Variants in NYAP2 observed in about 807,000 individuals in gnomAD.
The protein encoded by NYAP2 is neuronal tyrosine-phosphorylated phosphoinositide-3-kinase adaptor 2.
NYAP2 carries 23 observed loss-of-function variants against 50.4 expected under a neutral mutation model. The ratio of observed to expected loss-of-function variants is 0.46; its 90% CI spans 0.33 to 0.65. The LOEUF is 0.65. Among genes scored for constraint, NYAP2 ranks in the 30% least tolerant of loss-of-function variants. The pLI, the probability that NYAP2 is intolerant of heterozygous loss-of-function variation, is 0.02. For synonymous variants in NYAP2, 394 were observed against 365.2 expected, an observed-to-expected ratio of 1.08 and a Z score of -0.90; for missense variants, 885 against 861.0, an observed-to-expected ratio of 1.03 and a Z score of -0.35.
chr2:225,627,054 A>C (rs3748993), exon 6 of NYAP2: 1,506,058 of 1,597,046 alleles, frequency 0.94, 710,997 homozygotes, highest in African/African-American at 0.99. Context: ...AACACCAGGG[A>C]CACCTGTGGT....
At chr2:225,453,841 T>TG (rs1689691907) in intron 3 of NYAP2, among the ~76,000 whole-genome samples, 2 of 150,334 alleles carry the variant, frequency 1.3e-5, no homozygotes, top group South Asian at 4.2e-4. Flanking sequence ...CTAATTTTTT[T>TG]TTTTTTTTTT....
At chr2:225,519,527 T>C (rs1691009090) in intron 4 of NYAP2, among the ~76,000 whole-genome samples, 1 of 150,602 alleles carries the variant, frequency 6.6e-6, no homozygotes, top group Admixed American at 6.7e-5. Flanking sequence ...CAGTGTTTGG[T>C]TTTTTGTTCT....
chr2:225,669,273 A>G, the NYAP2 span, among the ~76,000 whole-genome samples: 1 of 152,246 alleles, frequency 6.6e-6, no homozygotes, highest in South Asian at 2.1e-4. Flanking sequence ...AAAAGTCATT[A>G]TGGCACGTGA....
intron 3 of NYAP2, among the ~76,000 whole-genome samples, chr2:225,473,868 A>T (rs1328951797): frequency 6.6e-6 from 1 of 151,960 alleles, no homozygotes; most frequent in Non-Finnish European, 1.5e-5. Flanking sequence ...GGTGCTTTAG[A>T]CATGAAGTCC....
intron 3 of NYAP2, among the ~76,000 whole-genome samples, chr2:225,456,642 G>A (rs977505553): frequency 4.6e-5 from 7 of 152,146 alleles, no homozygotes; most frequent in East Asian, 1.9e-4. Context: ...TTACAACCAC[G>A]TGTGCTGTCT....
intron 4 of NYAP2, among the ~76,000 whole-genome samples, chr2:225,551,177 A>G (rs1194573049): frequency 6.6e-6 from 1 of 152,210 alleles, no homozygotes; most frequent in Non-Finnish European, 1.5e-5. Context: ...AGTGACCCCT[A>G]GTGAATTTCA....
intron 4 of NYAP2, among the ~76,000 whole-genome samples, chr2:225,560,201 T>C (rs977320989): frequency 6.6e-6 from 1 of 152,118 alleles, no homozygotes; most frequent in Non-Finnish European, 1.5e-5. Flanking sequence ...AAAAATATAA[T>C]TTTGTAAATG....
At chr2:225,469,307 C>A (rs1036438589) in intron 3 of NYAP2, among the ~76,000 whole-genome samples, 5 of 152,190 alleles carry the variant, frequency 3.3e-5, no homozygotes, top group Non-Finnish European at 1.5e-5. Context: ...ATCAAAACCA[C>A]AATGAGATAC....
chr2:225,675,816 G>A, the NYAP2 span, among the ~76,000 whole-genome samples: 1 of 152,000 alleles, frequency 6.6e-6, no homozygotes, highest in Non-Finnish European at 1.5e-5. Flanking sequence ...GTAGTTTTGT[G>A]ATTTTTTAAT....
At chr2:225,547,475 G>A (rs1691604849) in intron 4 of NYAP2, among the ~76,000 whole-genome samples, 1 of 152,230 alleles carries the variant, frequency 6.6e-6, no homozygotes, top group African/African-American at 2.4e-5. Context: ...GGTGAGGCTT[G>A]TGGGATCTCA....
chr2:225,606,130 A>G (rs1692781948), intron 5 of NYAP2, among the ~76,000 whole-genome samples: 1 of 152,108 alleles, frequency 6.6e-6, no homozygotes, highest in Non-Finnish European at 1.5e-5. Context: ...TTTACAGTTA[A>G]GCAAATAGAG....
the NYAP2 span, among the ~76,000 whole-genome samples, chr2:225,698,010 C>CA: frequency 1.3e-5 from 2 of 151,520 alleles, no homozygotes; most frequent in Non-Finnish European, 2.9e-5. Context: ...TCATCTCTAC[C>CA]AAAATTTTTT....
At chr2:225,594,877 A>G (rs1182028063) in intron 5 of NYAP2, among the ~76,000 whole-genome samples, 1 of 152,182 alleles carries the variant, frequency 6.6e-6, no homozygotes, top group Non-Finnish European at 1.5e-5. Flanking sequence ...CAACTGAAAA[A>G]TCTGGGCTAT....
At chr2:225,543,207 CT>C (rs2106205096) in intron 4 of NYAP2, among the ~76,000 whole-genome samples, 1 of 151,892 alleles carries the variant, frequency 6.6e-6, no homozygotes, top group South Asian at 2.1e-4. Flanking sequence ...AAAAAACCAA[CT>C]TTCTGTTTCA....
At chr2:225,648,350 C>T (rs1435597068) in intron 6 of NYAP2, among the ~76,000 whole-genome samples, 1 of 151,778 alleles carries the variant, frequency 6.6e-6, no homozygotes, top group Non-Finnish European at 1.5e-5. Context: ...TAGAGTGGAT[C>T]CGATCAGATG....
At position 225,582,611 on chromosome 2, in the gene NYAP2, C is replaced by CGCG. The variant is rs1559221381; in HGVS notation, c.1197_1199dup (p.Ala400dup). On this transcript the variant is annotated inframe_insertion, in exon 5 of 7. Transcript: ENST00000636099. This position sits in a 1 kb window ranked among gnomAD's most constrained non-coding sequence, Gnocchi z 7.0. The stretch of plus-strand genomic sequence containing the variant: ...ATGCGAAACTGGAGAAAGAGCAGGC[C>CGCG]GCGGCCCTGGGACCTGCCTCTGCCA... The CGCG allele has an allele frequency of 3.8e-6, 6 of 1,593,592 alleles. No homozygotes were observed. Among genetic ancestry groups the CGCG allele is most frequent in the Non-Finnish European group, 5.1e-6 (6 of 1,170,938 alleles).
chr2:225,638,941 A>G (rs1693476406), intron 6 of NYAP2, among the ~76,000 whole-genome samples: 1 of 152,190 alleles, frequency 6.6e-6, no homozygotes, highest in Admixed American at 6.5e-5. Context: ...GCCAAGGGAG[A>G]AGTGTTTCCT....
At chr2:225,564,681 A>AAT (rs1175823244) in intron 4 of NYAP2, among the ~76,000 whole-genome samples, 2 of 147,196 alleles carry the variant, frequency 1.4e-5, no homozygotes, top group African/African-American at 2.6e-5. Context: ...GAACTGCATA[A>AAT]ATATAAAAAA....
At chr2:225,521,347 G>T (rs1015800312) in intron 4 of NYAP2, among the ~76,000 whole-genome samples, 93 of 151,504 alleles carry the variant, frequency 6.1e-4, no homozygotes, top group African/African-American at 2.2e-3. Flanking sequence ...TCCCTGTCTT[G>T]TGCCAGTTTT....
Sources: allele counts gnomAD v4.1 joint callset (sites outside exome capture counted in the v4.1 genomes callset), GRCh38; gene constraint gnomAD v4.1.1; non-coding constraint Gnocchi (gnomAD v3.1); transcripts MANE v1.5; gene names NCBI Gene and HGNC (gene_info 2026-07-23, HGNC 2026-07-21).